Variants in PRELID2 observed in about 807,000 individuals in gnomAD.
PRELID2 encodes the protein PRELI domain-containing protein 2.
PRELID2 carries 25 observed loss-of-function variants against 28.4 expected under a neutral mutation model. The ratio of observed to expected loss-of-function variants is 0.88; its 90% confidence interval spans 0.64 to 1.23. The LOEUF is 1.23. Ranked by LOEUF, PRELID2 falls within the 50% of genes most tolerant of loss-of-function variation. The probability of loss-of-function intolerance (pLI) is 0.00; values close to 1 mark genes in which losing one functional copy is unlikely to be tolerated. For missense variants in PRELID2, 201 were observed against 214.4 expected, an observed-to-expected ratio of 0.94 and a Z score of 0.39; for synonymous variants, 76 against 71.6, an observed-to-expected ratio of 1.06 and a Z score of -0.31.
intron 1 of PRELID2, among the ~76,000 whole-genome samples, chr5:145,559,867 G>A (rs1464094873): frequency 4.8e-4 from 72 of 150,432 alleles, no homozygotes; most frequent in Non-Finnish European, 2.5e-4. Flanking sequence ...AGAAGAAGAA[G>A]AAAAAGAATA....
downstream of PRELID2, among the ~76,000 whole-genome samples, chr5:145,751,357 G>C (rs2116746): frequency 0.02 from 3,112 of 152,268 alleles, 91 homozygotes; most frequent in East Asian, 0.077. Flanking sequence ...CCTCAATCAC[G>C]GCTTCTCTAA....
chr5:145,633,638 T>C (rs1047340742), intron 1 of PRELID2, among the ~76,000 whole-genome samples: 1 of 152,250 alleles, frequency 6.6e-6, no homozygotes, highest in African/African-American at 2.4e-5. Flanking sequence ...TCCAATATCA[T>C]GCTGTTTGCT....
chr5:145,238,507 T>A, the PRELID2 span, among the ~76,000 whole-genome samples: 1 of 152,160 alleles, frequency 6.6e-6, no homozygotes. Context: ...ATTTACACAT[T>A]TCCTATTGCT....
At chr5:145,269,099 C>A in the PRELID2 span, among the ~76,000 whole-genome samples, 3 of 152,052 alleles carry the variant, frequency 2.0e-5, no homozygotes, top group Non-Finnish European at 4.4e-5. Context: ...GATGCTAATA[C>A]TCTCCAAATT....
At chr5:145,545,605 G>T (rs1306570931) in intron 1 of PRELID2, among the ~76,000 whole-genome samples, 3 of 151,964 alleles carry the variant, frequency 2.0e-5, no homozygotes, top group Non-Finnish European at 4.4e-5. Context: ...CCTCGATCTA[G>T]CACCATTTTT....
chr5:145,620,471 A>T (rs1427712705), intron 1 of PRELID2, among the ~76,000 whole-genome samples: 2 of 152,140 alleles, frequency 1.3e-5, no homozygotes, highest in Admixed American at 6.5e-5. Context: ...GATATTGAAA[A>T]TGGGGGATGC....
chr5:145,286,606 T>C, the PRELID2 span, among the ~76,000 whole-genome samples: 1 of 152,042 alleles, frequency 6.6e-6, no homozygotes, highest in Admixed American at 6.6e-5. Flanking sequence ...CTCTTTTTCA[T>C]CAGTAAATCT....
chr5:145,657,551 G>A (rs1754418720), intron 1 of PRELID2, among the ~76,000 whole-genome samples: 1 of 152,150 alleles, frequency 6.6e-6, no homozygotes, highest in African/African-American at 2.4e-5. Flanking sequence ...CGGGCGTGGT[G>A]GCACGCACCT....
In PRELID2 at chr5:145,589,413, G is replaced by T. The variant is rs1753196764; in HGVS notation, n.71-116098C>A. Among the ~76,000 whole-genome samples the T allele has an allele frequency of 2.0e-5, 3 of 151,956 alleles. No individual in the cohort carries two copies. The South Asian group carries it at 6.2e-4, about 31-fold the overall frequency. ...ATGGTTAAAAGAGTGTAATTTACATGAAAACTATCTGAACATGTCCATACC... is the reference window on the plus strand; with the variant it reads ...ATGGTTAAAAGAGTGTAATTTACATTAAAACTATCTGAACATGTCCATACC... On this transcript the variant is annotated intron_variant and non_coding_transcript_variant, in intron 1 of 2. Transcript: ENST00000510259.
the PRELID2 span, among the ~76,000 whole-genome samples, chr5:145,434,034 A>C: frequency 6.6e-6 from 1 of 152,150 alleles, no homozygotes; most frequent in South Asian, 2.1e-4. Flanking sequence ...TTTCATTACA[A>C]AATGGACATG....
chr5:145,516,891 G>T (rs367680676), intron 1 of PRELID2, among the ~76,000 whole-genome samples: 9 of 152,278 alleles, frequency 5.9e-5, no homozygotes, highest in African/African-American at 2.2e-4. Flanking sequence ...ACTGGGAAAG[G>T]ATTCCCTATT....
the PRELID2 span, among the ~76,000 whole-genome samples, chr5:145,382,582 T>G: frequency 1.2e-3 from 190 of 152,104 alleles, 1 homozygote; most frequent in Non-Finnish European, 2.2e-3. Context: ...CAAGTAAAAG[T>G]GTGAATATTA....
chr5:145,384,483 T>C, the PRELID2 span, among the ~76,000 whole-genome samples: 1 of 152,156 alleles, frequency 6.6e-6, no homozygotes, highest in East Asian at 1.9e-4. Flanking sequence ...AAACATATAT[T>C]GAATAAAAGA....
At chr5:145,716,619 A>G (rs1405015331) in intron 1 of PRELID2, among the ~76,000 whole-genome samples, 2 of 152,200 alleles carry the variant, frequency 1.3e-5, no homozygotes, top group Admixed American at 1.3e-4. Context: ...TTGAGTTTTT[A>G]TTCATAAGAA....
At chr5:145,587,639 T>C (rs1306689046) in intron 1 of PRELID2, among the ~76,000 whole-genome samples, 3 of 152,170 alleles carry the variant, frequency 2.0e-5, no homozygotes, top group African/African-American at 7.2e-5. Flanking sequence ...TAATACTTCA[T>C]ACTCAATTTT....
the PRELID2 span, among the ~76,000 whole-genome samples, chr5:145,310,402 T>C: frequency 2.0e-5 from 3 of 152,180 alleles, no homozygotes; most frequent in African/African-American, 7.2e-5. Context: ...TCAAAGAAAA[T>C]GCCACCTTTG....
intron 4 of PRELID2, among the ~76,000 whole-genome samples, chr5:145,803,972 T>A (rs752685445): frequency 9.9e-5 from 15 of 152,074 alleles, no homozygotes; most frequent in Non-Finnish European, 7.4e-5. Context: ...TACCACACAC[T>A]CTGCACTGTG....
At chr5:145,627,818 T>C (rs73313704) in intron 1 of PRELID2, among the ~76,000 whole-genome samples, 4,419 of 152,308 alleles carry the variant, frequency 0.029, 203 homozygotes, top group African/African-American at 0.097. Flanking sequence ...AACTTAATCT[T>C]ATAATATTCA....
the PRELID2 span, among the ~76,000 whole-genome samples, chr5:145,322,222 A>AT: frequency 2.6e-5 from 4 of 152,218 alleles, no homozygotes; most frequent in Admixed American, 2.0e-4. Flanking sequence ...TCCATTTGAA[A>AT]GCACTTGTCA....
Sources: gnomAD v4.1 joint callset for allele counts (sites outside exome capture counted in the v4.1 genomes callset) on GRCh38, gnomAD v4.1.1 for gene constraint, MANE v1.5 for transcripts, NCBI Gene and HGNC (gene_info 2026-07-23, HGNC 2026-07-21) for gene names.